Variants in C1orf21 observed in about 807,000 individuals in gnomAD.
C1orf21 encodes chromosome 1 open reading frame 21, also known as uncharacterized protein C1orf21.
Under a neutral mutation model 18.7 loss-of-function variants are expected in C1orf21, and 3 were observed. The ratio of observed to expected loss-of-function variants is 0.16; its 90% CI spans 0.07 to 0.42. The LOEUF is 0.42. Among genes scored for constraint, C1orf21 ranks in the 10% least tolerant of loss-of-function variants. The pLI is 0.99. For synonymous variants in C1orf21, 41 were observed against 46.4 expected, an observed-to-expected ratio of 0.88 and a Z score of 0.47; for missense variants, 104 against 143.6, an observed-to-expected ratio of 0.72 and a Z score of 1.41.
intron 1 of C1orf21, among the ~76,000 whole-genome samples, chr1:184,470,901 A>G (rs574004912): frequency 1.0e-3 from 154 of 151,946 alleles, no homozygotes; most frequent in African/African-American, 3.6e-3. Flanking sequence ...AGAACAAGAA[A>G]GAGAACTCAA....
At position 184,608,421 on chromosome 1, in the gene C1orf21, TG is replaced by T. The variant is rs1484080119; in HGVS notation, c.327+9963del. 2.0e-5 allele frequency among the ~76,000 whole-genome samples: 3 copies of T among 152,204 alleles called. No individual in the cohort carries two copies. The East Asian group carries it at 5.8e-4, about 29-fold the overall frequency. On this transcript the variant is annotated intron_variant, in intron 5 of 5. Transcript: ENST00000235307. ...TCAGGAAGTGCTAACATATGGGCTA[TG>T]GGCCGTGGGCCCTGCTCTAGGTCAC...
At chr1:184,590,936 C>CA (rs1659428366) in intron 4 of C1orf21, 121 bp downstream of exon 4, 1 of 976,616 alleles carries the variant, frequency 1.0e-6, no homozygotes, top group African/African-American at 1.7e-5. Context: ...TACAAAGTTC[C>CA]AAAAAACAAA....
chr1:184,604,069 AAG>A (rs1484766703), intron 5 of C1orf21, among the ~76,000 whole-genome samples: 1 of 152,196 alleles, frequency 6.6e-6, no homozygotes, highest in Non-Finnish European at 1.5e-5. Context: ...TCATCCAGTG[AAG>A]AGAGTGACTT....
At chr1:184,452,314 A>C (rs1657135116) in intron 1 of C1orf21, among the ~76,000 whole-genome samples, 1 of 152,218 alleles carries the variant, frequency 6.6e-6, no homozygotes, top group African/African-American at 2.4e-5. Context: ...CCACAGGCTG[A>C]GTGCAAAGCA....
intron 5 of C1orf21, among the ~76,000 whole-genome samples, chr1:184,604,113 T>C (rs1018160854): frequency 2.0e-5 from 3 of 152,250 alleles, no homozygotes; most frequent in African/African-American, 7.2e-5. Context: ...TGTTGGGTTC[T>C]ACGTGTAAAC....
intron 1 of C1orf21, among the ~76,000 whole-genome samples, chr1:184,466,295 T>G (rs1402783608): frequency 1.3e-5 from 2 of 152,060 alleles, no homozygotes; most frequent in Non-Finnish European, 2.9e-5. Context: ...CCAGAAATGG[T>G]GGTAGGTACG....
intron 1 of C1orf21, among the ~76,000 whole-genome samples, chr1:184,422,501 G>A (rs1656561432): frequency 6.6e-6 from 1 of 152,174 alleles, no homozygotes; most frequent in African/African-American, 2.4e-5. Flanking sequence ...GAAAGGGTAA[G>A]TAACTCGCTT....
At chr1:184,595,848 G>A (rs1396066925) in intron 4 of C1orf21, among the ~76,000 whole-genome samples, 1 of 152,178 alleles carries the variant, frequency 6.6e-6, no homozygotes, top group African/African-American at 2.4e-5. Context: ...GACTCAGTCT[G>A]GTGTGTGACT....
chr1:184,464,474 A>G (rs1250994535), intron 1 of C1orf21, among the ~76,000 whole-genome samples: 1 of 152,206 alleles, frequency 6.6e-6, no homozygotes, highest in African/African-American at 2.4e-5. Context: ...GGTGCAGAAG[A>G]AAAAGACAGT....
chr1:184,488,838 G>A (rs1183742766), intron 2 of C1orf21, among the ~76,000 whole-genome samples: 1 of 152,162 alleles, frequency 6.6e-6, no homozygotes, highest in Non-Finnish European at 1.5e-5. Context: ...GGCAGCGTGC[G>A]CCTGTAGTCC....
intron 1 of C1orf21, among the ~76,000 whole-genome samples, chr1:184,402,160 C>T (rs1218969957): frequency 2.0e-5 from 3 of 152,172 alleles, no homozygotes; most frequent in Non-Finnish European, 4.4e-5. Context: ...CTCGGTCACA[C>T]TATCTATGTT....
At chr1:184,405,684 C>G (rs1192004487) in intron 1 of C1orf21, among the ~76,000 whole-genome samples, 2 of 152,126 alleles carry the variant, frequency 1.3e-5, no homozygotes, top group African/African-American at 4.8e-5. Flanking sequence ...TGTGACTTCC[C>G]AAAGTTGTTT....
At chr1:184,424,697 C>T (rs150194694) in intron 1 of C1orf21, among the ~76,000 whole-genome samples, 2 of 152,096 alleles carry the variant, frequency 1.3e-5, no homozygotes, top group African/African-American at 4.8e-5. Flanking sequence ...TATGCTAATA[C>T]TAAGATAGGG....
intron 3 of C1orf21, among the ~76,000 whole-genome samples, chr1:184,547,731 AG>A (rs1343257336): frequency 6.6e-6 from 1 of 152,246 alleles, no homozygotes; most frequent in African/African-American, 2.4e-5. Flanking sequence ...AAATTTGAAT[AG>A]ATGAAATGAG....
chr1:184,538,491 T>A (rs1265693761), intron 3 of C1orf21, among the ~76,000 whole-genome samples: 1 of 152,230 alleles, frequency 6.6e-6, no homozygotes, highest in African/African-American at 2.4e-5. Context: ...TTTTTTCTTT[T>A]GTTGCCTGTG....
At chr1:184,548,214 A>AACACACACACACACACACAC (rs58174774) in intron 3 of C1orf21, among the ~76,000 whole-genome samples, 2 of 139,976 alleles carry the variant, frequency 1.4e-5, no homozygotes, top group African/African-American at 5.3e-5. Context: ...TCAAATCCCC[A>AACACACACACACACACACAC]ACACACACAC....
At chr1:184,563,177 C>G (rs1658990050) in intron 3 of C1orf21, among the ~76,000 whole-genome samples, 1 of 152,184 alleles carries the variant, frequency 6.6e-6, no homozygotes, top group Admixed American at 6.5e-5. Flanking sequence ...GCACATCTTA[C>G]CATCATCAAT....
chr1:184,389,227 C>G (rs1220607687), intron 1 of C1orf21, among the ~76,000 whole-genome samples: 3 of 144,722 alleles, frequency 2.1e-5, no homozygotes, highest in African/African-American at 7.7e-5. Context: ...GCGCTCAGCT[C>G]TTGGGTGGGT....
intron 3 of C1orf21, among the ~76,000 whole-genome samples, chr1:184,581,947 A>G (rs1659282268): frequency 1.3e-5 from 2 of 152,262 alleles, no homozygotes; most frequent in African/African-American, 4.8e-5. Context: ...AATAATTGTA[A>G]CAAAATACTA....
Sources: allele counts gnomAD v4.1 joint callset (sites outside exome capture counted in the v4.1 genomes callset), GRCh38; gene constraint gnomAD v4.1.1; transcripts MANE v1.5; gene names NCBI Gene and HGNC (gene_info 2026-07-23, HGNC 2026-07-21).